The following MGAT4A variants were observed in gnomAD, a reference collection of about 807,000 sequenced individuals.
MGAT4A encodes alpha-1,3-mannosyl-glycoprotein 4-beta-N-acetylglucosaminyltransferase A.
MGAT4A carries 33 observed loss-of-function variants against 74.1 expected under a neutral mutation model. The observed-to-expected ratio is 0.45, with a 90% confidence interval of 0.34 to 0.60. The LOEUF (loss-of-function observed/expected upper bound fraction) is 0.60, where lower values mean the gene tolerates loss of function less well. Ranked by LOEUF, MGAT4A falls within the 20% of genes least tolerant of loss-of-function variation. The probability of loss-of-function intolerance (pLI) is 0.02; values close to 1 mark genes in which losing one functional copy is unlikely to be tolerated. For missense variants in MGAT4A, 479 were observed against 628.3 expected (o/e 0.76, Z 2.54); for synonymous variants, 198 against 210.4 (o/e 0.94, Z 0.51).
chr2:98,642,667 T>A (rs758313144), intron 10 of MGAT4A, among the ~76,000 whole-genome samples: 19 of 152,226 alleles, frequency 1.2e-4, no homozygotes, highest in Non-Finnish European at 2.2e-4. Context: ...GTTAACTTTT[T>A]CTGTGTCCTA....
chr2:98,662,638 G>A (rs990519346), intron 5 of MGAT4A, among the ~76,000 whole-genome samples: 1 of 152,202 alleles, frequency 6.6e-6, no homozygotes, highest in African/African-American at 2.4e-5. Flanking sequence ...TACAAGAAGT[G>A]TGGTATTTCT....
At chr2:98,712,461 T>C (rs1413932626) in intron 2 of MGAT4A, among the ~76,000 whole-genome samples, 4 of 152,200 alleles carry the variant, frequency 2.6e-5, no homozygotes, top group African/African-American at 9.7e-5. Flanking sequence ...TGTACCAATA[T>C]GTGCACCAAA....
Position 98,652,400 on chromosome 2 carries a change from G to A in MGAT4A, c.774+3045C>T, listed in dbSNP as rs980281992. Among the ~76,000 whole-genome samples the A allele has an allele frequency of 7.5e-5, 11 of 147,340 alleles. 1 individual carries two copies. Among genetic ancestry groups the A allele is most frequent in the South Asian group, 2.2e-4 (1 of 4,644 alleles). On this transcript the variant is annotated intron_variant, in intron 8 of 15. Transcript: ENST00000393487. Reference sequence around the variant, plus strand: ...GGCTGGAGTGCAGTGGCGCTATCTCGGCTCACTGCAAGCTCCACCTCCCGG... The same window carrying A: ...GGCTGGAGTGCAGTGGCGCTATCTCAGCTCACTGCAAGCTCCACCTCCCGG...
At chr2:98,712,996 T>A (rs894886453) in intron 2 of MGAT4A, among the ~76,000 whole-genome samples, 1 of 151,752 alleles carries the variant, frequency 6.6e-6, no homozygotes, top group African/African-American at 2.4e-5. Flanking sequence ...ACCTCACCTC[T>A]ACTAAAAATA....
At position 98,625,327 on chromosome 2, in the gene MGAT4A, A is replaced by G. The variant is rs1393203348; in HGVS notation, c.*239T>C. 3 of 1,287,080 alleles carry G rather than the reference A, an allele frequency of 2.3e-6. No homozygotes were observed. In the African/African-American group the frequency reaches 4.5e-5, roughly 20 times the overall value. The allele number at this position is 1,287,080 out of a possible 1,614,324, so 79.7% of individuals were successfully genotyped here. On this transcript the variant is annotated 3_prime_UTR_variant, in exon 16 of 16. Transcript: ENST00000393487. ...GTATAATACCAAAATAGTACAAGTC[A>G]TATTAACAGGCTGTCATAATTGAAA...
At chr2:98,644,169 C>A (rs1701452899) in intron 9 of MGAT4A, 116 bp from the exon 10 acceptor site, 2 of 1,058,072 alleles carry the variant, frequency 1.9e-6, no homozygotes, top group Admixed American at 2.8e-5. Context: ...AACTATAAAT[C>A]ATCATAAACA....
At chr2:98,721,944 C>T (rs554614183) in intron 2 of MGAT4A, among the ~76,000 whole-genome samples, 7 of 152,194 alleles carry the variant, frequency 4.6e-5, no homozygotes, top group Middle Eastern at 3.4e-3. Context: ...CCAATCAAAA[C>T]GCAGAGGGTG....
intron 14 of MGAT4A, among the ~76,000 whole-genome samples, chr2:98,631,794 G>A (rs147015904): frequency 1.6e-4 from 25 of 152,278 alleles, no homozygotes; most frequent in African/African-American, 5.5e-4. Flanking sequence ...AGAGACCCCG[G>A]GATACAGAAA....
chr2:98,658,459 C>T (rs970640180), intron 5 of MGAT4A, among the ~76,000 whole-genome samples, 195 bp from the exon 6 acceptor site: 1 of 152,158 alleles, frequency 6.6e-6, no homozygotes, highest in African/African-American at 2.4e-5. Context: ...TGCTAATAAG[C>T]AGATATTGAA....
intron 2 of MGAT4A, among the ~76,000 whole-genome samples, chr2:98,689,715 C>T (rs1175434364): frequency 1.3e-5 from 2 of 152,018 alleles, no homozygotes; most frequent in Admixed American, 6.6e-5. Flanking sequence ...CCCAGCTACT[C>T]GGGAGGCTGA....
intron 9 of MGAT4A, among the ~76,000 whole-genome samples, chr2:98,644,880 C>A (rs904174881): frequency 1.3e-5 from 2 of 152,118 alleles, no homozygotes; most frequent in African/African-American, 4.8e-5. Context: ...GTGATCCACC[C>A]GCCTCGGCCT....
At chr2:98,685,483 T>TA (rs1406890582) in intron 2 of MGAT4A, among the ~76,000 whole-genome samples, 2 of 152,144 alleles carry the variant, frequency 1.3e-5, no homozygotes, top group African/African-American at 4.8e-5. Flanking sequence ...GAAGATGGCC[T>TA]AGATGAAATT....
At chr2:98,685,170 G>A (rs1250244478) in intron 2 of MGAT4A, among the ~76,000 whole-genome samples, 1 of 151,320 alleles carries the variant, frequency 6.6e-6, no homozygotes, top group Admixed American at 6.6e-5. Context: ...CCCAGGGTTT[G>A]AGGCTGCAGT....
intron 1 of MGAT4A, among the ~76,000 whole-genome samples, chr2:98,727,659 G>A (rs766790708): frequency 3.9e-5 from 6 of 152,104 alleles, no homozygotes; most frequent in Non-Finnish European, 7.4e-5. Flanking sequence ...CAGTTCCAAG[G>A]GAAAATTCTC....
At chr2:98,710,985 A>G (rs1702507861) in intron 2 of MGAT4A, among the ~76,000 whole-genome samples, 1 of 146,108 alleles carries the variant, frequency 6.8e-6, no homozygotes, top group African/African-American at 2.5e-5. Context: ...CACATAAAGA[A>G]GTTGGGTTAA....
At chr2:98,661,771 T>A (rs1340661202) in intron 5 of MGAT4A, among the ~76,000 whole-genome samples, 1 of 152,180 alleles carries the variant, frequency 6.6e-6, no homozygotes. Flanking sequence ...TCTGATCACC[T>A]CCATGAACAG....
intron 2 of MGAT4A, among the ~76,000 whole-genome samples, chr2:98,722,523 C>A (rs1162644367): frequency 6.6e-6 from 1 of 152,048 alleles, no homozygotes; most frequent in Non-Finnish European, 1.5e-5. Flanking sequence ...TGCCTAACCC[C>A]TAGGAGGGGA....
chr2:98,632,260 C>T (rs1701249104), intron 14 of MGAT4A, among the ~76,000 whole-genome samples: 1 of 152,184 alleles, frequency 6.6e-6, no homozygotes, highest in Admixed American at 6.5e-5. Context: ...CACCCCTAGA[C>T]ACTGCCATGG....
At chr2:98,626,140 T>A (rs1166345946) in intron 14 of MGAT4A, among the ~76,000 whole-genome samples, 1 of 152,250 alleles carries the variant, frequency 6.6e-6, no homozygotes, top group Non-Finnish European at 1.5e-5. Context: ...ATAGGTTTTT[T>A]GTAAATTGTG....
Sources: allele counts gnomAD v4.1 joint callset (sites outside exome capture counted in the v4.1 genomes callset), GRCh38; gene constraint gnomAD v4.1.1; transcripts MANE v1.5; gene names NCBI Gene and HGNC (gene_info 2026-07-23, HGNC 2026-07-21).